Variants in SPOCK1 observed in about 807,000 individuals in gnomAD.
The protein encoded by SPOCK1 is testican-1.
Under a neutral mutation model 55.3 loss-of-function variants are expected in SPOCK1, and 23 were observed. The observed-to-expected ratio is 0.42, with a 90% CI of 0.30 to 0.59. The LOEUF (loss-of-function observed/expected upper bound fraction) is 0.59. SPOCK1 is among the 20% of genes least tolerant of loss of function. The pLI, the probability that SPOCK1 is intolerant of heterozygous loss-of-function variation, is 0.22. For synonymous variants in SPOCK1, 226 were observed against 221.0 expected (o/e 1.02, Z -0.20); for missense variants, 499 against 552.5 (o/e 0.90, Z 0.97).
chr5:137,191,014 T>C (rs556261515), intron 3 of SPOCK1, among the ~76,000 whole-genome samples: 1 of 152,230 alleles, frequency 6.6e-6, no homozygotes, highest in Non-Finnish European at 1.5e-5. Context: ...TTCCTGTCAG[T>C]GTCTACCCTT....
intron 5 of SPOCK1, among the ~76,000 whole-genome samples, chr5:137,075,011 G>T (rs1360407351): frequency 6.6e-6 from 1 of 151,842 alleles, no homozygotes; most frequent in Non-Finnish European, 1.5e-5. Flanking sequence ...CCTAATTTTT[G>T]TATTTTTAGT....
chr5:137,495,246 T>C lies in SPOCK1; in HGVS notation c.186+3127A>G, dbSNP rs367994014. 2.0e-5 allele frequency among the ~76,000 whole-genome samples: 3 copies of C among 152,262 alleles called. No homozygotes were observed. In the East Asian group the frequency reaches 5.8e-4, roughly 29 times the overall value. ...GGAAGTATTTATACATCTAGAGCAA[T>C]AGGACACTTTTCAAAATGATAAGTA... On this transcript the variant is annotated intron_variant, in intron 2 of 10. Coordinates refer to ENST00000394945, the MANE Select transcript of SPOCK1 (RefSeq NM_004598.4).
chr5:137,222,411 A>C (rs1245922641), intron 3 of SPOCK1, among the ~76,000 whole-genome samples: 3 of 152,190 alleles, frequency 2.0e-5, no homozygotes, highest in African/African-American at 7.2e-5. Flanking sequence ...AAATTTGTAC[A>C]TTTGCTTTCT....
chr5:137,442,594 CCA>C (rs137968986), intron 2 of SPOCK1, among the ~76,000 whole-genome samples: 19 of 152,236 alleles, frequency 1.2e-4, no homozygotes, highest in African/African-American at 4.6e-4. Context: ...AGGTGTGTGC[CCA>C]CACTCACACT....
At chr5:137,452,770 C>T (rs1441993253) in intron 2 of SPOCK1, among the ~76,000 whole-genome samples, 1 of 152,198 alleles carries the variant, frequency 6.6e-6, no homozygotes, top group African/African-American at 2.4e-5. Flanking sequence ...GGCACATGGG[C>T]AGTTATCTAT....
At chr5:137,038,616 T>G (rs185776616) in intron 6 of SPOCK1, among the ~76,000 whole-genome samples, 1 of 152,352 alleles carries the variant, frequency 6.6e-6, no homozygotes, top group African/African-American at 2.4e-5. Flanking sequence ...TTTAATTTAC[T>G]TTCCTGTCCT....
chr5:137,316,018 G>A (rs934807158), intron 2 of SPOCK1, among the ~76,000 whole-genome samples: 8 of 152,180 alleles, frequency 5.3e-5, no homozygotes, highest in African/African-American at 1.9e-4. Flanking sequence ...GTTCACTTGT[G>A]CTATGACAAA....
intron 5 of SPOCK1, among the ~76,000 whole-genome samples, chr5:137,101,671 A>G (rs1295235528): frequency 1.3e-5 from 2 of 152,338 alleles, no homozygotes; most frequent in Admixed American, 1.3e-4. Context: ...TATTTTCACA[A>G]TGGACGATGT....
intron 3 of SPOCK1, among the ~76,000 whole-genome samples, chr5:137,161,946 T>C (rs937649266): frequency 2.0e-5 from 3 of 152,158 alleles, no homozygotes; most frequent in Non-Finnish European, 4.4e-5. Context: ...TTTGGTGATA[T>C]ATTGTGCATA....
intron 3 of SPOCK1, among the ~76,000 whole-genome samples, chr5:137,190,740 G>T (rs947567859): frequency 1.3e-5 from 2 of 152,112 alleles, no homozygotes; most frequent in East Asian, 3.9e-4. Context: ...AGGTCCTTCA[G>T]GTCACATGTC....
chr5:137,038,295 C>G (rs997448062), intron 6 of SPOCK1, among the ~76,000 whole-genome samples: 7 of 152,210 alleles, frequency 4.6e-5, no homozygotes, highest in African/African-American at 1.7e-4. Context: ...TACCCCTTCA[C>G]CCCAGTGAAG....
chr5:137,044,399 T>A (rs1207008297), intron 6 of SPOCK1, among the ~76,000 whole-genome samples: 3 of 152,134 alleles, frequency 2.0e-5, no homozygotes, highest in Non-Finnish European at 4.4e-5. Flanking sequence ...AAATGTAACA[T>A]ACATATAGAA....
chr5:137,497,631 G>A (rs1754326399), intron 2 of SPOCK1, among the ~76,000 whole-genome samples: 1 of 152,146 alleles, frequency 6.6e-6, no homozygotes, highest in Non-Finnish European at 1.5e-5. Flanking sequence ...CCAGCCTTGA[G>A]GCAGAAACAG....
chr5:137,248,082 A>G (rs1756432209), intron 3 of SPOCK1, among the ~76,000 whole-genome samples: 1 of 151,850 alleles, frequency 6.6e-6, no homozygotes, highest in Admixed American at 6.6e-5. Context: ...GTTCTTACCT[A>G]TTTCCCTACA....
intron 3 of SPOCK1, among the ~76,000 whole-genome samples, chr5:137,218,180 A>C (rs771919491): frequency 1.1e-4 from 17 of 152,200 alleles, no homozygotes; most frequent in Non-Finnish European, 2.1e-4. Flanking sequence ...ATCCCATCAG[A>C]GGGGTGTAAT....
chr5:137,292,049 T>A (rs898579275), intron 2 of SPOCK1, among the ~76,000 whole-genome samples: 17 of 152,178 alleles, frequency 1.1e-4, no homozygotes, highest in African/African-American at 3.9e-4. Context: ...CCAAAGGAGC[T>A]GCAGCCAAGA....
chr5:137,287,354 C>T (rs551902364), intron 2 of SPOCK1, among the ~76,000 whole-genome samples: 17 of 152,304 alleles, frequency 1.1e-4, no homozygotes, highest in African/African-American at 2.9e-4. Context: ...CCACCAGAAG[C>T]GCCTCCACAC....
intron 5 of SPOCK1, among the ~76,000 whole-genome samples, chr5:137,074,133 A>C (rs1752680235): frequency 6.6e-6 from 1 of 152,226 alleles, no homozygotes; most frequent in Admixed American, 6.5e-5. Flanking sequence ...CAAACCAAAC[A>C]AACCTGGGGC....
intron 2 of SPOCK1, among the ~76,000 whole-genome samples, chr5:137,448,698 A>G (rs1377215886): frequency 6.6e-6 from 1 of 152,222 alleles, no homozygotes; most frequent in East Asian, 1.9e-4. Flanking sequence ...TTCCCCATCA[A>G]TCAATTTGAA....
Sources: gnomAD v4.1 joint callset for allele counts (sites outside exome capture counted in the v4.1 genomes callset) on GRCh38, gnomAD v4.1.1 for gene constraint, MANE v1.5 for transcripts, NCBI Gene and HGNC (gene_info 2026-07-23, HGNC 2026-07-21) for gene names.